Variants in AGBL1 observed in about 807,000 individuals in gnomAD.
The protein encoded by AGBL1 is AGBL carboxypeptidase 1, also known as cytosolic carboxypeptidase 4.
In AGBL1, 130 loss-of-function variants were observed where a neutral mutation model predicts 118.9. The ratio of observed to expected loss-of-function variants is 1.09; its 90% CI spans 0.95 to 1.26. The LOEUF is 1.26. Among genes scored for constraint, AGBL1 ranks in the 50% most tolerant of loss-of-function variants. The pLI, the probability that AGBL1 is intolerant of heterozygous loss-of-function variation, is 0.00. For synonymous variants in AGBL1, 555 were observed against 478.9 expected (o/e 1.16, Z -2.08); for missense variants, 1,584 against 1,298.1 (o/e 1.22, Z -3.38).
intron 23 of AGBL1, among the ~76,000 whole-genome samples, chr15:86,985,824 T>C (rs1232783437): frequency 6.6e-6 from 1 of 152,242 alleles, no homozygotes; most frequent in Non-Finnish European, 1.5e-5. Context: ...AAGAGTTTTA[T>C]AGTTTTAGCT....
chr15:86,544,437 G>A (rs982391576), intron 19 of AGBL1, among the ~76,000 whole-genome samples: 2 of 152,138 alleles, frequency 1.3e-5, no homozygotes, highest in South Asian at 2.1e-4. Context: ...GTATTAGTCT[G>A]TTCTTATGCT....
chr15:87,029,141 C>A (rs928474699), downstream of AGBL1: 11 of 262,166 alleles, frequency 4.2e-5, no homozygotes, highest in Non-Finnish European at 7.1e-5. Context: ...ATGAAAGAAT[C>A]GCAAAGGTAC....
intron 21 of AGBL1, among the ~76,000 whole-genome samples, chr15:86,653,875 C>T (rs546050657): frequency 6.6e-6 from 1 of 152,212 alleles, no homozygotes; most frequent in Non-Finnish European, 1.5e-5. Context: ...AATCCTAGAG[C>T]TCATTTTTTT....
chr15:87,008,897 T>C (rs2570118), intron 24 of AGBL1, among the ~76,000 whole-genome samples: 98,427 of 152,020 alleles, frequency 0.65, 32,518 homozygotes, highest in South Asian at 0.76. Flanking sequence ...AATTTCTAAG[T>C]AGCAAAGCAT....
chr15:86,264,290 C>A lies in AGBL1; in HGVS notation c.1119C>A (p.Asn373Lys). ...AGTCCAAACTTGGAGATGATTTGAA[C>A]TCTGAAAAGACTCAGTATGCCAATC... ...ELQSKLGDDL[N>K]SEKTQYANHH... Residue 373 changes from asparagine (N) to lysine (K), a missense_variant, in exon 11 of 23, where the codon AAC becomes AAA. Transcript: ENST00000614907. 1 of 1,606,024 alleles carries A rather than the reference C, an allele frequency of 6.2e-7. No individual in the cohort carries two copies. Among genetic ancestry groups the A allele is most frequent in the South Asian group, 1.1e-5 (1 of 89,328 alleles).
intron 5 of AGBL1, among the ~76,000 whole-genome samples, chr15:86,204,473 C>T (rs954700877): frequency 1.3e-4 from 19 of 148,456 alleles, no homozygotes; most frequent in African/African-American, 4.3e-4. Flanking sequence ...CCTTCCCTTA[C>T]CTTCCCTTCC....
chr15:86,220,258 G>A (rs1416584383), intron 5 of AGBL1, among the ~76,000 whole-genome samples: 1 of 152,016 alleles, frequency 6.6e-6, no homozygotes, highest in African/African-American at 2.4e-5. Context: ...AGTGAATACT[G>A]CCTCTTGCTA....
intron 21 of AGBL1, among the ~76,000 whole-genome samples, chr15:86,637,391 G>T (rs1480322388): frequency 2.0e-5 from 3 of 152,028 alleles, no homozygotes; most frequent in Non-Finnish European, 2.9e-5. Flanking sequence ...AATGAGAAAG[G>T]CACTAAGGAA....
intron 18 of AGBL1, among the ~76,000 whole-genome samples, chr15:86,464,281 A>G (rs1025580850): frequency 3.3e-5 from 5 of 152,156 alleles, no homozygotes; most frequent in African/African-American, 1.2e-4. Flanking sequence ...ATTTTTGCAC[A>G]TTAATTTTGT....
intron 18 of AGBL1, among the ~76,000 whole-genome samples, chr15:86,400,898 G>T (rs957505154): frequency 6.6e-6 from 1 of 151,968 alleles, no homozygotes; most frequent in African/African-American, 2.4e-5. Context: ...CCATATCTCT[G>T]CAATTGCGAA....
At position 86,661,793 on chromosome 15, in the gene AGBL1, A is replaced by G. The variant is rs575775161; in HGVS notation, c.2995-12480A>G. Among the ~76,000 whole-genome samples, 61 of 152,268 alleles carry G rather than the reference A, an allele frequency of 4.0e-4. 1 individual carries two copies. The highest frequency in any genetic ancestry group is 1.4e-3 in the African/African-American group (58 of 41,566). On this transcript the variant is annotated intron_variant, in intron 21 of 22. Coordinates refer to ENST00000614907, the MANE Select transcript of AGBL1 (RefSeq NM_001386094.1). ...AGGTGTCATCCAAGTACAGGGCTCC[A>G]TACCAAGTCACTCTCGTCGCTCTGA...
chr15:86,229,608 T>C (rs1251580159), intron 6 of AGBL1, among the ~76,000 whole-genome samples: 1 of 152,202 alleles, frequency 6.6e-6, no homozygotes, highest in African/African-American at 2.4e-5. Flanking sequence ...TCTCTGTCTT[T>C]TCCTCTTTTT....
chr15:86,725,982 T>C (rs555936591), intron 22 of AGBL1, among the ~76,000 whole-genome samples: 122 of 144,604 alleles, frequency 8.4e-4, no homozygotes, highest in Admixed American at 1.3e-3. Context: ...TGGCAAACAG[T>C]ATGGTCAAAA....
At chr15:86,508,729 A>C (rs931612251) in intron 18 of AGBL1, among the ~76,000 whole-genome samples, 6 of 152,172 alleles carry the variant, frequency 3.9e-5, no homozygotes, top group African/African-American at 1.4e-4. Flanking sequence ...GGACATGATG[A>C]TGAGTATTGA....
intron 22 of AGBL1, among the ~76,000 whole-genome samples, chr15:86,693,393 A>G (rs966323263): frequency 1.7e-4 from 26 of 152,008 alleles, no homozygotes; most frequent in African/African-American, 5.3e-4. Flanking sequence ...GGCAATTTGT[A>G]TATCTTCTTG....
In AGBL1 at chr15:86,477,460, G is replaced by A. The variant is rs572830195; in HGVS notation, c.2556-45350G>A. Among the ~76,000 whole-genome samples, 464 of 152,272 alleles carry A rather than the reference G, an allele frequency of 3.0e-3. 1 individual carries two copies. The highest frequency in any genetic ancestry group is 6.8e-3 in the Middle Eastern group (2 of 294). ...CAGAGAATACTATAAACACCTCTAC[G>A]CAAATAAAGTAGAAAATCTAGAAGA... On this transcript the variant is annotated intron_variant, in intron 18 of 22. Coordinates refer to ENST00000614907, the MANE Select transcript of AGBL1 (RefSeq NM_001386094.1).
Position 86,793,455 on chromosome 15 carries a change from C to T in AGBL1, c.3159-113632C>T, listed in dbSNP as rs12900242. Among the ~76,000 whole-genome samples, 3 of 152,046 alleles carry T rather than the reference C, an allele frequency of 2.0e-5. No individual in the cohort carries two copies. The East Asian group carries it at 5.8e-4, about 29-fold the overall frequency. ...AATGAATTTGGACCTTACCTCACAC[C>T]ATTTACAAAAATTAAGACAAAATGA... On this transcript the variant is annotated intron_variant, in intron 22 of 22. Transcript: ENST00000614907.
At chr15:86,805,144 A>C (rs1163406110) in intron 22 of AGBL1, among the ~76,000 whole-genome samples, 5 of 152,048 alleles carry the variant, frequency 3.3e-5, no homozygotes, top group Non-Finnish European at 7.4e-5. Context: ...GCCAATGACA[A>C]ATTATATCAA....
At chr15:86,817,443 G>A (rs1316054621) in intron 22 of AGBL1, among the ~76,000 whole-genome samples, 2 of 149,098 alleles carry the variant, frequency 1.3e-5, no homozygotes, top group East Asian at 2.0e-4. Context: ...TAAGGCAAGT[G>A]TGTGTGTGTC....
Sources: allele counts gnomAD v4.1 joint callset (sites outside exome capture counted in the v4.1 genomes callset), GRCh38; gene constraint gnomAD v4.1.1; transcripts MANE v1.5; gene names NCBI Gene and HGNC (gene_info 2026-07-23, HGNC 2026-07-21).